Variants in SLC18A1 observed in about 807,000 individuals in gnomAD.
SLC18A1 encodes solute carrier family 18 member A1.
In SLC18A1, 69 loss-of-function variants were observed where a neutral mutation model predicts 53.7. The observed-to-expected ratio is 1.28, with a 90% CI of 1.06 to 1.57. The LOEUF (loss-of-function observed/expected upper bound fraction) is 1.57, where lower values mean the gene tolerates loss of function less well. SLC18A1 is among the 40% of genes most tolerant of loss of function. SLC18A1 has a pLI of 0.00. For missense variants in SLC18A1, 932 were observed against 668.1 expected (o/e 1.40, Z -4.35); for synonymous variants, 320 against 248.1 (o/e 1.29, Z -2.72).
At chr8:20,148,329 G>T in intron 12 of SLC18A1, 1 of 654,288 alleles carries the variant, frequency 1.5e-6, no homozygotes, top group Non-Finnish European at 2.4e-6. Flanking sequence ...ATCAAGTTTG[G>T]ACCTCAGACT....
rs773261479 is a variant in SLC18A1 at position 20,147,317 on chromosome 8, T to A, written c.1405A>T (p.Ile469Phe). The change falls in exon 15 of 16, where the codon ATC becomes TTC. Residue 469 changes from isoleucine to phenylalanine, a missense_variant. Ile to Phe is a conservative substitution (Grantham distance 21). Transcript: ENST00000276373. ...TAGTAGCAGAGTGGAGCATAGACGA[T>A]GTTGATGACCCCAGTGATGACCATG... ...WLMVITGVINIVYAPLCYYLR... is the reference protein window; with the variant it reads ...WLMVITGVINFVYAPLCYYLR... 1 of 1,613,592 alleles carries A rather than the reference T, an allele frequency of 6.2e-7. No individual in the cohort carries two copies. The highest frequency in any genetic ancestry group is 1.3e-5 in the African/African-American group (1 of 74,904).
At chr8:20,149,773 C>G in intron 11 of SLC18A1, 46 bp from the exon 12 acceptor site, 1 of 1,580,094 alleles carries the variant, frequency 6.3e-7, no homozygotes, top group Non-Finnish European at 8.7e-7. Context: ...GGAGAGCTCC[C>G]CTCCACCTGT....
chr8:20,155,725 C>T (rs1332466837), intron 10 of SLC18A1, among the ~76,000 whole-genome samples: 4 of 152,204 alleles, frequency 2.6e-5, no homozygotes, highest in African/African-American at 9.7e-5. Flanking sequence ...ATGCTTCAGA[C>T]TTTCACTTCC....
chr8:20,177,317 A>G (rs1181379290), intron 4 of SLC18A1, among the ~76,000 whole-genome samples: 3 of 152,196 alleles, frequency 2.0e-5, no homozygotes, highest in Non-Finnish European at 4.4e-5. Context: ...GGTTGCTAGG[A>G]ATCAAGTTCT....
At chr8:20,168,818 C>G (rs67479548) in intron 8 of SLC18A1, among the ~76,000 whole-genome samples, 42,443 of 152,034 alleles carry the variant, frequency 0.28, 6,977 homozygotes, top group Non-Finnish European at 0.38. Flanking sequence ...GATCCGCCTG[C>G]CTTGGAGGAA....
At chr8:20,152,617 C>A (rs77321441) in intron 10 of SLC18A1, among the ~76,000 whole-genome samples, 15 of 151,912 alleles carry the variant, frequency 9.9e-5, no homozygotes, top group Admixed American at 2.0e-4. Context: ...ATGGGGGGAA[C>A]GTGAGAGGTT....
chr8:20,165,628 C>T (rs2071938629), intron 8 of SLC18A1, among the ~76,000 whole-genome samples: 1 of 152,158 alleles, frequency 6.6e-6, no homozygotes, highest in Non-Finnish European at 1.5e-5. Context: ...GGTTAAAATA[C>T]AGCCTAAACA....
rs2071446864 is a variant in SLC18A1, at chr8:20,148,024, C to G, written c.1193G>C (p.Gly398Ala). 1.2e-6 allele frequency: 2 copies of G among 1,613,936 alleles called. No individual in the cohort carries two copies. Among genetic ancestry groups the G allele is most frequent in the African/African-American group, 2.7e-5 (2 of 74,904 alleles). Residue 398 changes from glycine (G) to alanine (A), a missense_variant, in exon 13 of 16, where the codon GGG becomes GCG. Gly to Ala is a moderately conservative substitution (Grantham distance 60). Transcript: ENST00000276373. ...NIFGLIGPNA[G>A]LGLAIGMVDS... ...CTTCTTACCTATGGCAAGGCCAAGC[C>G]CTGCATTGGGGCCAATGAGACCAAA...
At chr8:20,179,621 A>G in intron 2 of SLC18A1, 137 bp from the exon 3 acceptor site, 2 of 1,173,358 alleles carry the variant, frequency 1.7e-6, no homozygotes, top group Non-Finnish European at 2.4e-6. Context: ...GACAGATGTC[A>G]TCTTACCACT....
At chr8:20,161,155 C>T (rs937914635) in intron 10 of SLC18A1, among the ~76,000 whole-genome samples, 1 of 152,096 alleles carries the variant, frequency 6.6e-6, no homozygotes, top group Admixed American at 6.5e-5. Flanking sequence ...TTAAGTGGTT[C>T]CAGTGTAAAC....
At position 20,145,485 on chromosome 8, in the gene SLC18A1, C is replaced by T. The variant is rs2071371063; in HGVS notation, c.*278G>A. 1 of 279,960 alleles carries T rather than the reference C, an allele frequency of 3.6e-6. No individual in the cohort carries two copies. Among genetic ancestry groups the T allele is most frequent in the South Asian group, 1.0e-4 (1 of 9,722 alleles). The allele number at this position is 279,960 out of a possible 1,614,324, so 17.3% of individuals were successfully genotyped here. A position where few individuals can be genotyped will look rare whatever the true frequency, so the allele number is the denominator to read the frequency against. ...ATGAGTCACCCCTTGCAGAACCCGT[C>T]ACAGCTCAAGTTTAATCAACCTCAC... On this transcript the variant is annotated 3_prime_UTR_variant, in exon 16 of 16. Coordinates refer to ENST00000276373, the MANE Select transcript of SLC18A1 (RefSeq NM_003053.4).
At chr8:20,148,553 A>G (rs1380501058) in intron 12 of SLC18A1, 1 of 1,026,884 alleles carries the variant, frequency 9.7e-7, no homozygotes, top group Admixed American at 2.3e-5. Context: ...GGCCCCAACA[A>G]CCAGTTAGCT....
At chr8:20,178,574 G>A in intron 3 of SLC18A1, 81 bp from the exon 4 acceptor site, 1 of 1,070,326 alleles carries the variant, frequency 9.3e-7, no homozygotes, top group Non-Finnish European at 1.4e-6. Context: ...ATGTAAGTGG[G>A]AGCAGAAATG....
intron 8 of SLC18A1, among the ~76,000 whole-genome samples, chr8:20,166,287 G>GTA (rs1235212014): frequency 3.8e-5 from 3 of 78,994 alleles, no homozygotes; most frequent in African/African-American, 1.7e-4. Context: ...GTGTGTGTGT[G>GTA]TCTATATATA....
chr8:20,178,526 T>C, intron 3 of SLC18A1, 33 bp from the exon 4 acceptor site: 3 of 1,525,062 alleles, frequency 2.0e-6, no homozygotes, highest in Non-Finnish European at 2.7e-6. Context: ...AAAGATACAA[T>C]TCCAACAGGC....
At chr8:20,175,005 T>C (rs1482315922) in intron 4 of SLC18A1, among the ~76,000 whole-genome samples, 2 of 152,232 alleles carry the variant, frequency 1.3e-5, no homozygotes, top group Non-Finnish European at 2.9e-5. Flanking sequence ...AGGTATTAAA[T>C]TATACTGAAT....
In SLC18A1 at chr8:20,150,061, A is replaced by G. The variant is rs141098439; in HGVS notation, c.1095-334T>C. On this transcript the variant is annotated intron_variant, in intron 11 of 15. Transcript: ENST00000276373. ...CTTAACTCATGCTGTTGCCCAGCTC[A>G]GACTGCCTCCTACCTGTCCTATTTT... Among the ~76,000 whole-genome samples, 8 of 152,322 alleles carry G rather than the reference A, an allele frequency of 5.3e-5. No individual in the cohort carries two copies. The East Asian group carries it at 1.4e-3, about 26-fold the overall frequency.
chr8:20,174,923 AAT>A (rs1563766514), intron 4 of SLC18A1, among the ~76,000 whole-genome samples: 1 of 152,178 alleles, frequency 6.6e-6, no homozygotes, highest in Non-Finnish European at 1.5e-5. Context: ...GGTAGAAAAT[AAT>A]ATCTTGTGAT....
intron 8 of SLC18A1, among the ~76,000 whole-genome samples, chr8:20,169,477 T>C (rs573663855): frequency 1.2e-4 from 19 of 152,294 alleles, no homozygotes; most frequent in Non-Finnish European, 2.4e-4. Context: ...ATCCTGTTCT[T>C]AGGGAAAATG....
Sources: allele counts gnomAD v4.1 joint callset (sites outside exome capture counted in the v4.1 genomes callset), GRCh38; gene constraint gnomAD v4.1.1; transcripts MANE v1.5; gene names NCBI Gene and HGNC (gene_info 2026-07-23, HGNC 2026-07-21).